Variants in PRSS55 observed in about 807,000 individuals in gnomAD.
The protein encoded by PRSS55 is probable serine protease UNQ9391/PRO34284.
Under a neutral mutation model 23.6 loss-of-function variants are expected in PRSS55, and 41 were observed. That is an observed-to-expected ratio of 1.74 (90% confidence interval 1.35 to 2.26). The LOEUF is 2.26. Among genes scored for constraint, PRSS55 ranks in the 30% most tolerant of loss-of-function variants. The pLI, the probability that PRSS55 is intolerant of heterozygous loss-of-function variation, is 0.00. For synonymous variants in PRSS55, 262 were observed against 175.5 expected (o/e 1.49, Z -3.90); for missense variants, 669 against 439.1 (o/e 1.52, Z -4.68).
rs866742258 is a variant in PRSS55 at position 10,525,693 on chromosome 8, G to C, written c.108G>C (p.Arg36Ser). ...GAGTGGCTATCCTAGGCAGGGCTAG[G>C]GGAGCCCACCGCCCTCAGCCCCCTC... ...EAGVAILGRA[R>S]GAHRPQPPHP... The change falls in exon 1 of 5, where the codon AGG becomes AGC. Residue 36 changes from arginine (R) to serine (S), a missense_variant. Coordinates refer to ENST00000328655, the MANE Select transcript of PRSS55 (RefSeq NM_198464.4). The C allele has an allele frequency of 1.9e-6, 3 of 1,613,792 alleles. No homozygotes were observed. The highest frequency in any genetic ancestry group is 1.7e-5 in the Admixed American group (1 of 59,974).
chr8:10,529,562 G>A lies in PRSS55; in HGVS notation c.210G>A (p.Gly70=), dbSNP rs149288627. ...GAACTCGGTATTCCAGAATCACAGG[G>A]GGGATGGAGGCGGAGGTGGGTGAGT... ...EGRTRYSRIT[G]GMEAEVGEFP... Residue 70 remains glycine (G), a synonymous_variant, in exon 2 of 5, where the codon GGG becomes GGA. Coordinates refer to ENST00000328655, the MANE Select transcript of PRSS55 (RefSeq NM_198464.4). 7 of 1,614,086 alleles carry A rather than the reference G, an allele frequency of 4.3e-6. No homozygotes were observed. The African/African-American group carries it at 8.0e-5, about 18-fold the overall frequency.
At chr8:10,532,776 G>C in intron 3 of PRSS55, 130 bp from the exon 4 acceptor site, 1 of 1,115,922 alleles carries the variant, frequency 9.0e-7, no homozygotes, top group South Asian at 1.5e-5. Flanking sequence ...AGGAAGTGAG[G>C]GGCTGCAGAG....
downstream of PRSS55, among the ~76,000 whole-genome samples, chr8:10,539,053 G>GA (rs796471138): frequency 4.4e-3 from 593 of 133,830 alleles, 4 homozygotes; most frequent in Middle Eastern, 0.012. Flanking sequence ...ACATATAACA[G>GA]AAAAAAAAAA....
Position 10,547,058 on chromosome 8 carries a change from G to C in PRSS55, c.742-6885G>C, listed in dbSNP as rs553912729. Among the ~76,000 whole-genome samples, 5 of 152,330 alleles carry C rather than the reference G, an allele frequency of 3.3e-5. No individual in the cohort carries two copies. The East Asian group carries it at 5.8e-4, about 18-fold the overall frequency. ...CCTCGCTGTAGCCCAGCAGATGGCA[G>C]TGGGCAGGCTGGAAGACCACGCTCT... On this transcript the variant is annotated intron_variant, in intron 4 of 4. Coordinates refer to the PRSS55 transcript ENST00000522210.
At chr8:10,542,558 G>A (rs1052158921), downstream of PRSS55, among the ~76,000 whole-genome samples, 1 of 151,982 alleles carries the variant, frequency 6.6e-6, no homozygotes, top group Non-Finnish European at 1.5e-5. Context: ...TAATTTGAGA[G>A]TAGCCCAAAC....
At chr8:10,543,476 CTCTCT>C (rs147986614), downstream of PRSS55, among the ~76,000 whole-genome samples, 2,594 of 27,414 alleles carry the variant, frequency 0.095, 250 homozygotes, top group Middle Eastern at 0.21. Flanking sequence ...TTCTTTCTTT[CTCTCT>C]TTTTTTTTTT....
intron 2 of PRSS55, among the ~76,000 whole-genome samples, 188 bp downstream of exon 2, chr8:10,529,887 G>T (rs1812187620): frequency 6.6e-6 from 1 of 152,174 alleles, no homozygotes; most frequent in Non-Finnish European, 1.5e-5. Context: ...CTGAGGCTGT[G>T]TCCTCCTCAC....
In PRSS55 at chr8:10,532,870, C is replaced by G. The variant is rs769818344; in HGVS notation, c.599-36C>G. ...ATCACGAACGTGGGGACATGAGGCC[C>G]AGTGGCTTCTCTAATGCGCTTTCTC... On this transcript the variant is annotated intron_variant, in intron 3 of 4. Transcript: ENST00000328655. The G allele has an allele frequency of 1.2e-5, 19 of 1,613,338 alleles. No homozygotes were observed. The South Asian group carries it at 1.9e-4, about 16-fold the overall frequency.
At chr8:10,542,421 A>ATT (rs1209968874), downstream of PRSS55, among the ~76,000 whole-genome samples, 52 of 67,778 alleles carry the variant, frequency 7.7e-4, no homozygotes, top group African/African-American at 1.4e-3. Flanking sequence ...ATGCGGGGGA[A>ATT]AAAAAAAAAA....
intron 2 of PRSS55, among the ~76,000 whole-genome samples, chr8:10,529,966 G>C (rs1434902202): frequency 1.3e-5 from 2 of 152,224 alleles, no homozygotes; most frequent in Admixed American, 6.5e-5. Context: ...CCTGTGGCTT[G>C]ATGGAGCCAA....
Position 10,531,413 on chromosome 8 carries a change from G to C in PRSS55, c.466G>C (p.Asp156His). The C allele has an allele frequency of 6.2e-7, 1 of 1,614,252 alleles. No homozygotes were observed. Among genetic ancestry groups the C allele is most frequent in the South Asian group, 1.1e-5 (1 of 91,078 alleles). The change falls in exon 3 of 5, where the codon GAC becomes CAC. Residue 156 changes from aspartate (D) to histidine (H), a missense_variant. Transcript: ENST00000328655. Reference sequence around the variant, plus strand: ...CTTTAAGAGAGCCAACATGGACAATGACATTGCCTTGCTGCTGCTGGCTTC... The same window carrying C: ...CTTTAAGAGAGCCAACATGGACAATCACATTGCCTTGCTGCTGCTGGCTTC... The part of the protein sequence containing the change: ...KDFKRANMDN[D>H]IALLLLASPI...
At chr8:10,545,963 C>T (rs1812807858) in intron 4 of PRSS55, among the ~76,000 whole-genome samples, 1 of 152,112 alleles carries the variant, frequency 6.6e-6, no homozygotes, top group South Asian at 2.1e-4. Flanking sequence ...TGCAGAGCTT[C>T]TTGCCAGAGC....
At chr8:10,538,825 G>A (rs1812552222), downstream of PRSS55, 7 of 1,523,686 alleles carry the variant, frequency 4.6e-6, no homozygotes, top group Non-Finnish European at 6.2e-6. Flanking sequence ...TTCAACCGAG[G>A]GAGGGTGCAT....
intron 1 of PRSS55, among the ~76,000 whole-genome samples, chr8:10,527,692 A>T (rs1456533220): frequency 1.3e-5 from 2 of 152,252 alleles, no homozygotes; most frequent in Non-Finnish European, 2.9e-5. Flanking sequence ...CCTGGGGCTC[A>T]TATCATAGTT....
downstream of PRSS55, chr8:10,540,333 C>G (rs1812614645): frequency 1.3e-5 from 2 of 152,398 alleles, no homozygotes; most frequent in Admixed American, 1.3e-4. Flanking sequence ...AAGGCAAATT[C>G]AGGAAATGCA....
At chr8:10,552,913 C>T (rs535181670) in intron 4 of PRSS55, among the ~76,000 whole-genome samples, 40 of 152,324 alleles carry the variant, frequency 2.6e-4, no homozygotes, top group Admixed American at 4.6e-4. Flanking sequence ...AATCCCACTT[C>T]GGGGTATCTA....
intron 4 of PRSS55, among the ~76,000 whole-genome samples, chr8:10,536,762 G>A (rs1385682032): frequency 6.6e-6 from 1 of 152,300 alleles, no homozygotes; most frequent in East Asian, 1.9e-4. Context: ...ATTAGTGCAG[G>A]AACAGAAAAC....
Position 10,525,567 on chromosome 8 carries a change from C to A in PRSS55, c.-19C>A. 1 of 1,607,866 alleles carries A rather than the reference C, an allele frequency of 6.2e-7. No individual in the cohort carries two copies. The highest frequency in any genetic ancestry group is 8.5e-7 in the Non-Finnish European group (1 of 1,175,456). ...CCCTGGCCTCTGTCACCCCCGGGCC[C>A]ACAGCACAGCCCAGGGCCATGCTCC... is the stretch of plus-strand genomic sequence containing the variant. On this transcript the variant is annotated 5_prime_UTR_variant, in exon 1 of 5. Transcript: ENST00000328655.
chr8:10,529,829 C>G, intron 2 of PRSS55, 130 bp downstream of exon 2: 1 of 862,302 alleles, frequency 1.2e-6, no homozygotes, highest in Non-Finnish European at 1.8e-6. Context: ...GAATGGCTCC[C>G]ACCCATCCAC....
Sources: allele counts gnomAD v4.1 joint callset (sites outside exome capture counted in the v4.1 genomes callset), GRCh38; gene constraint gnomAD v4.1.1; transcripts MANE v1.5; gene names NCBI Gene and HGNC (gene_info 2026-07-23, HGNC 2026-07-21).